ESCO1: variants seen among roughly 807,000 people sequenced by gnomAD.
ESCO1 encodes establishment of sister chromatid cohesion N-acetyltransferase 1.
Under a neutral mutation model 83.5 loss-of-function variants are expected in ESCO1, and 33 were observed. The ratio of observed to expected loss-of-function variants is 0.40; its 90% CI spans 0.30 to 0.53. The LOEUF (loss-of-function observed/expected upper bound fraction) is 0.53, where lower values mean the gene tolerates loss of function less well. Among genes scored for constraint, ESCO1 ranks in the 20% least tolerant of loss-of-function variants. The pLI is 0.63. For missense variants in ESCO1, 855 were observed against 968.0 expected (o/e 0.88, Z 1.55); for synonymous variants, 332 against 324.3 (o/e 1.02, Z -0.25).
chr18:21,547,015 T>C (rs1454874811), intron 8 of ESCO1, among the ~76,000 whole-genome samples: 1 of 152,218 alleles, frequency 6.6e-6, no homozygotes, highest in Non-Finnish European at 1.5e-5. Flanking sequence ...ACTGCTCTCT[T>C]GGCCTGATAT....
chr18:21,555,829 C>G (rs1283850467), intron 8 of ESCO1, among the ~76,000 whole-genome samples: 2 of 151,682 alleles, frequency 1.3e-5, no homozygotes, highest in African/African-American at 4.8e-5. Context: ...TTAGCCAGGC[C>G]TGGTGGCCTG....
intron 1 of ESCO1, among the ~76,000 whole-genome samples, chr18:21,599,439 T>A (rs1288329878): frequency 6.6e-6 from 1 of 152,326 alleles, no homozygotes; most frequent in East Asian, 1.9e-4. Context: ...TATAGCATAG[T>A]TCACTGCAAC....
At chr18:21,538,770 G>A (rs2037868322) in intron 9 of ESCO1, among the ~76,000 whole-genome samples, 1 of 152,008 alleles carries the variant, frequency 6.6e-6, no homozygotes, top group South Asian at 2.1e-4. Flanking sequence ...ACACACTCTA[G>A]TATAATTACT....
intron 1 of ESCO1, among the ~76,000 whole-genome samples, chr18:21,589,434 T>C (rs1312548866): frequency 6.6e-6 from 1 of 152,048 alleles, no homozygotes. Context: ...ATTTATTTAT[T>C]GCCCTTAAAT....
intron 4 of ESCO1, among the ~76,000 whole-genome samples, chr18:21,568,535 T>A (rs1417923268): frequency 1.3e-5 from 2 of 152,208 alleles, no homozygotes; most frequent in African/African-American, 4.8e-5. Context: ...CACTCCCACA[T>A]CTAACTAGTG....
chr18:21,545,790 C>T (rs998463639), intron 8 of ESCO1, among the ~76,000 whole-genome samples: 13 of 151,494 alleles, frequency 8.6e-5, no homozygotes, highest in Admixed American at 7.2e-4. Context: ...ATTAGCTGAG[C>T]ATGTGGCGCA....
intron 1 of ESCO1, chr18:21,593,409 G>A (rs2038711259): frequency 6.4e-6 from 1 of 156,106 alleles, no homozygotes; most frequent in Non-Finnish European, 1.4e-5. Flanking sequence ...CCAACACAGC[G>A]AAACCCCGTC....
At chr18:21,538,765 C>G (rs1420302077) in intron 9 of ESCO1, among the ~76,000 whole-genome samples, 1 of 152,086 alleles carries the variant, frequency 6.6e-6, no homozygotes, top group Non-Finnish European at 1.5e-5. Context: ...TTGGGACACA[C>G]TCTAGTATAA....
At chr18:21,576,190 G>A (rs77831288) in intron 2 of ESCO1, among the ~76,000 whole-genome samples, 3,654 of 151,860 alleles carry the variant, frequency 0.024, 153 homozygotes, top group African/African-American at 0.083. Context: ...AAACCCTACT[G>A]GAAAAAAAAA....
At chr18:21,539,898 T>G in intron 9 of ESCO1, 22 bp downstream of exon 9, 2 of 1,592,672 alleles carry the variant, frequency 1.3e-6, no homozygotes, top group Non-Finnish European at 1.7e-6. Flanking sequence ...CCACTCTACA[T>G]GAAGTTTCAC....
chr18:21,588,098 T>C lies in ESCO1; in HGVS notation c.-824-3658A>G, dbSNP rs186194503. Among the ~76,000 whole-genome samples, 236 of 120,934 alleles carry C rather than the reference T, an allele frequency of 2.0e-3. 1 individual carries two copies. Among genetic ancestry groups the C allele is most frequent in the African/African-American group, 7.2e-3 (232 of 32,438 alleles). The allele number at this position is 120,934 out of a possible 152,430, so 79.3% of individuals were successfully genotyped here. On this transcript the variant is annotated intron_variant, in intron 1 of 11. Transcript: ENST00000269214. ...CCGGGCAACCCAGCAAGGATCCATC[T>C]CAAAAAAAAAAAAAAAAGCAAAACC...
chr18:21,550,795 A>G (rs1258273919), intron 8 of ESCO1, among the ~76,000 whole-genome samples: 1 of 152,194 alleles, frequency 6.6e-6, no homozygotes, highest in East Asian at 1.9e-4. Context: ...AACTGTTGTA[A>G]TAAGAAAACA....
At chr18:21,563,508 T>C (rs2038217085) in intron 7 of ESCO1, among the ~76,000 whole-genome samples, 1 of 152,058 alleles carries the variant, frequency 6.6e-6, no homozygotes. Flanking sequence ...CCACCACGCC[T>C]GGCTAATTTT....
In ESCO1 at chr18:21,575,369, T is replaced by A. The variant is rs1232807614; in HGVS notation, c.-526A>T. 5.0e-6 allele frequency: 2 copies of A among 397,968 alleles called. No homozygotes were observed. Among genetic ancestry groups the A allele is most frequent in the African/African-American group, 4.1e-5 (2 of 48,612 alleles). 24.7% of individuals were successfully genotyped at this position (397,968 alleles called of 1,614,324 possible). A position where few individuals can be genotyped will look rare whatever the true frequency, so the allele number is the denominator to read the frequency against. On this transcript the variant is annotated 5_prime_UTR_variant, in exon 4 of 12. Transcript: ENST00000269214. ...TGAGTCTGTTGGTTTGCAGTTCTTA[T>A]CTAACCTCCTTTGTTCAACAAAATA...
chr18:21,583,813 CT>C (rs1423849962), intron 2 of ESCO1, among the ~76,000 whole-genome samples: 1 of 152,136 alleles, frequency 6.6e-6, no homozygotes, highest in Non-Finnish European at 1.5e-5. Flanking sequence ...ATATTTAAAT[CT>C]GTCAAAAGCT....
At chr18:21,533,467 T>C (rs1598974216) in intron 10 of ESCO1, among the ~76,000 whole-genome samples, 1 of 152,216 alleles carries the variant, frequency 6.6e-6, no homozygotes, top group Middle Eastern at 3.4e-3. Context: ...GACTAAGTTT[T>C]GTATTTTTAG....
intron 4 of ESCO1, among the ~76,000 whole-genome samples, chr18:21,570,445 T>G (rs2038324822): frequency 6.6e-6 from 1 of 152,198 alleles, no homozygotes; most frequent in Admixed American, 6.6e-5. Context: ...TTGTTGTATA[T>G]TCCCATAGTT....
chr18:21,581,909 A>C (rs899557707), intron 2 of ESCO1, among the ~76,000 whole-genome samples: 7 of 150,918 alleles, frequency 4.6e-5, no homozygotes, highest in Non-Finnish European at 1.0e-4. Context: ...GTGAAATCTC[A>C]TCTATACTAA....
intron 6 of ESCO1, among the ~76,000 whole-genome samples, chr18:21,565,214 T>G (rs1208548612): frequency 6.6e-6 from 1 of 152,270 alleles, no homozygotes; most frequent in Non-Finnish European, 1.5e-5. Flanking sequence ...TTGAATATGC[T>G]TTTAAGTTTT....
Sources: allele counts gnomAD v4.1 joint callset (sites outside exome capture counted in the v4.1 genomes callset), GRCh38; gene constraint gnomAD v4.1.1; transcripts MANE v1.5; gene names NCBI Gene and HGNC (gene_info 2026-07-23, HGNC 2026-07-21).